DPPA3: variants seen among roughly 807,000 people sequenced by gnomAD.
DPPA3 encodes developmental pluripotency associated 3.
In DPPA3, 9 loss-of-function variants were observed where a neutral mutation model predicts 15.6. That is an observed-to-expected ratio of 0.58 (90% CI 0.35 to 1.01). DPPA3 has a LOEUF of 1.01. Ranked by LOEUF, DPPA3 falls within the 50% of genes least tolerant of loss-of-function variation. DPPA3 has a pLI of 0.02. For missense variants in DPPA3, 148 were observed against 194.6 expected (o/e 0.76, Z 1.42); for synonymous variants, 61 against 70.9 (o/e 0.86, Z 0.70).
In DPPA3 at chr12:7,711,646, G is replaced by T. The variant is rs769596879; in HGVS notation, c.76G>T (p.Asp26Tyr). 8 of 1,607,684 alleles carry T rather than the reference G, an allele frequency of 5.0e-6. No homozygotes were observed. The highest frequency in any genetic ancestry group is 6.8e-6 in the Non-Finnish European group (8 of 1,177,278). Residue 26 changes from aspartate to tyrosine, a missense_variant, in exon 1 of 4, where the codon GAT becomes TAT. Coordinates refer to ENST00000345088, the MANE Select transcript of DPPA3 (RefSeq NM_199286.4). ...QMLTEENSRD[D>Y]SGASQISSET... ...GCTCACCGAAGAAAATTCCCGGGAC[G>T]ATTCAGGTAAGCCAGATAATGCCCT...
chr12:7,716,105 CA>C, intron 2 of DPPA3, 92 bp from the exon 3 acceptor site: 1 of 1,165,780 alleles, frequency 8.6e-7, no homozygotes, highest in Non-Finnish European at 1.2e-6. Context: ...CCTGTCTCAA[CA>C]AATTCCCTAG....
intron 1 of DPPA3, 68 bp downstream of exon 1, chr12:7,711,720 CTTTTTTTTTTTT>C (rs3069565): frequency 0.37 from 124,799 of 340,412 alleles, 10,680 homozygotes; most frequent in Non-Finnish European, 0.39. Flanking sequence ...AGGCTGCCGT[CTTTTTTTTTTTT>C]TTTTTTTTTT....
intron 1 of DPPA3, among the ~76,000 whole-genome samples, chr12:7,714,637 C>G (rs1294600134): frequency 6.7e-6 from 1 of 150,280 alleles, no homozygotes; most frequent in Non-Finnish European, 1.5e-5. Context: ...GCCTCAGCTT[C>G]CCGAGTAGCT....
Position 7,711,499 on chromosome 12 carries a change from T to A in DPPA3, c.-72T>A, listed in dbSNP as rs964548692. 6.9e-7 allele frequency: 1 copy of A among 1,441,204 alleles called. No homozygotes were observed. The highest frequency in any genetic ancestry group is 9.4e-7 in the Non-Finnish European group (1 of 1,061,654). 89.3% of individuals were successfully genotyped at this position (1,441,204 alleles called of 1,614,324 possible). On this transcript the variant is annotated 5_prime_UTR_variant, in exon 1 of 4. The change creates a new upstream start codon in the 5' untranslated region. Transcript: ENST00000345088. ...TCTTTCCGGGCTACCTGGTAGCAAT[T>A]TGAGGCTCTGTCATCAGTTTCTGCT...
At chr12:7,715,772 G>C (rs796701692) in intron 2 of DPPA3, among the ~76,000 whole-genome samples, 3 of 152,208 alleles carry the variant, frequency 2.0e-5, no homozygotes, top group African/African-American at 7.2e-5. Context: ...CCTCCAGCCT[G>C]GGCAACAAGA....
intron 1 of DPPA3, among the ~76,000 whole-genome samples, chr12:7,713,702 G>A (rs892738073): frequency 1.3e-5 from 2 of 152,302 alleles, no homozygotes; most frequent in African/African-American, 4.8e-5. Context: ...GAGGGTAACA[G>A]CCACTTACTT....
rs1008716155 is a variant in DPPA3, at chr12:7,717,379, T to C, written c.*302T>C. The C allele has an allele frequency of 6.2e-5, 15 of 240,168 alleles. No homozygotes were observed. Among genetic ancestry groups the C allele is most frequent in the African/African-American group, 3.4e-4 (15 of 44,632 alleles). The allele number at this position is 240,168 out of a possible 1,614,324, so 14.9% of individuals were successfully genotyped here. On this transcript the variant is annotated 3_prime_UTR_variant, in exon 4 of 4. Transcript: ENST00000345088. ...TGAGATGAAACCCAACATCAAGAAA[T>C]TGAAGCAAAGTTACTTATGGATAAA...
At chr12:7,712,373 G>GA (rs950988574) in intron 1 of DPPA3, among the ~76,000 whole-genome samples, 7 of 151,544 alleles carry the variant, frequency 4.6e-5, no homozygotes, top group South Asian at 2.1e-4. Flanking sequence ...AAAAGATAGG[G>GA]AAAAAAAATG....
At chr12:7,714,723 A>ATT (rs71038731) in intron 1 of DPPA3, among the ~76,000 whole-genome samples, 81 of 149,384 alleles carry the variant, frequency 5.4e-4, no homozygotes, top group Admixed American at 3.3e-3. Context: ...TTATTTATTT[A>ATT]TTTTTTTGAG....
At chr12:7,715,789 C>G (rs1864392639) in intron 2 of DPPA3, among the ~76,000 whole-genome samples, 1 of 152,050 alleles carries the variant, frequency 6.6e-6, no homozygotes, top group Non-Finnish European at 1.5e-5. Context: ...AAGAACAAAA[C>G]AAGCGTCTCA....
chr12:7,716,873 C>A, intron 3 of DPPA3, 94 bp from the exon 4 acceptor site: 1 of 1,199,868 alleles, frequency 8.3e-7, no homozygotes, highest in Non-Finnish European at 1.2e-6. Flanking sequence ...CCTGTTCCAA[C>A]ACTTACCAAA....
Position 7,711,526 on chromosome 12 carries a change from C to A in DPPA3, c.-45C>A, listed in dbSNP as rs778942940. 2.6e-6 allele frequency: 4 copies of A among 1,563,924 alleles called. No homozygotes were observed. Among genetic ancestry groups the A allele is most frequent in the Non-Finnish European group, 3.5e-6 (4 of 1,152,318 alleles). Reference sequence around the variant, plus strand: ...GAGGCTCTGTCATCAGTTTCTGCTACGTTTCAAAGATCCTGGAGAAGCCTA... The same window carrying A: ...GAGGCTCTGTCATCAGTTTCTGCTAAGTTTCAAAGATCCTGGAGAAGCCTA... On this transcript the variant is annotated 5_prime_UTR_variant, in exon 1 of 4. Coordinates refer to ENST00000345088, the MANE Select transcript of DPPA3 (RefSeq NM_199286.4).
Sources: allele counts gnomAD v4.1 joint callset (sites outside exome capture counted in the v4.1 genomes callset), GRCh38; gene constraint gnomAD v4.1.1; transcripts MANE v1.5; gene names NCBI Gene and HGNC (gene_info 2026-07-23, HGNC 2026-07-21).